Variants in CSMD3 observed in about 807,000 individuals in gnomAD.
CSMD3 encodes the protein CUB and Sushi multiple domains 3.
A neutral mutation model predicts 435.2 loss-of-function variants in CSMD3; 177 were observed. The observed-to-expected ratio is 0.41, with a 90% CI of 0.36 to 0.46. The LOEUF is 0.46. Among genes scored for constraint, CSMD3 ranks in the 20% least tolerant of loss-of-function variants. The pLI, the probability that CSMD3 is intolerant of heterozygous loss-of-function variation, is 0.34. For synonymous variants in CSMD3, 1,656 were observed against 1,520.5 expected, an observed-to-expected ratio of 1.09 and a Z score of -2.07; for missense variants, 4,265 against 4,504.6, an observed-to-expected ratio of 0.95 and a Z score of 1.52.
intron 10 of CSMD3, among the ~76,000 whole-genome samples, chr8:112,897,694 C>G (rs56308605): frequency 0.19 from 17,348 of 90,834 alleles, 1,665 homozygotes; most frequent in African/African-American, 0.37. Context: ...CTCTCTCTCT[C>G]TGTGTGTGTG....
chr8:112,467,699 G>A (rs987201752), intron 32 of CSMD3, among the ~76,000 whole-genome samples: 1 of 152,068 alleles, frequency 6.6e-6, no homozygotes, highest in African/African-American at 2.4e-5. Flanking sequence ...CCAATAGGTG[G>A]TGTCATTATA....
chr8:112,544,530 C>T (rs903701357), intron 27 of CSMD3, among the ~76,000 whole-genome samples: 47 of 152,188 alleles, frequency 3.1e-4, no homozygotes, highest in African/African-American at 1.1e-3. Flanking sequence ...GCATGATTTT[C>T]CCTCTTAAAA....
At chr8:112,972,701 T>C (rs994304079) in intron 7 of CSMD3, among the ~76,000 whole-genome samples, 18 of 152,048 alleles carry the variant, frequency 1.2e-4, no homozygotes, top group African/African-American at 4.3e-4. Flanking sequence ...TTCTAGCAAG[T>C]GAAATTATAA....
At chr8:113,402,131 C>T (rs889189429) in intron 1 of CSMD3, among the ~76,000 whole-genome samples, 1 of 151,338 alleles carries the variant, frequency 6.6e-6, no homozygotes, top group African/African-American at 2.4e-5. Flanking sequence ...GTGATTTCAT[C>T]CCTTTATAAC....
At chr8:112,270,791 A>C (rs1261590120) in intron 59 of CSMD3, among the ~76,000 whole-genome samples, 1 of 152,144 alleles carries the variant, frequency 6.6e-6, no homozygotes, top group Non-Finnish European at 1.5e-5. Flanking sequence ...ATTACTCAGG[A>C]GGAACTAAGT....
At chr8:113,195,582 T>C in intron 3 of CSMD3, among the ~76,000 whole-genome samples, 1 of 150,514 alleles carries the variant, frequency 6.6e-6, no homozygotes, top group East Asian at 2.0e-4. Flanking sequence ...CTGTTAACTC[T>C]AATTTTGGGG....
At chr8:113,332,624 G>A (rs1033478702) in intron 1 of CSMD3, among the ~76,000 whole-genome samples, 2 of 151,678 alleles carry the variant, frequency 1.3e-5, no homozygotes, top group African/African-American at 4.8e-5. Context: ...AGACATGAAA[G>A]AATATGTAAA....
intron 5 of CSMD3, among the ~76,000 whole-genome samples, chr8:113,042,570 C>T (rs540373833): frequency 6.6e-5 from 10 of 152,086 alleles, no homozygotes; most frequent in Non-Finnish European, 1.2e-4. Flanking sequence ...CTTGATGTCT[C>T]TTCTCAATTT....
chr8:113,029,813 A>G lies in CSMD3; in HGVS notation c.918-10634T>C, dbSNP rs528276030. Among the ~76,000 whole-genome samples, 320 of 151,620 alleles carry G rather than the reference A, an allele frequency of 2.1e-3. 20 individuals carry two copies. Among genetic ancestry groups the G allele is most frequent in the Non-Finnish European group, 2.8e-4 (19 of 67,726 alleles). ...AGAGAAAGAAATAAAGGGCATCCAA[A>G]TCAGTAAAAAGGAAGTCAAACTGTC... On this transcript the variant is annotated intron_variant, in intron 5 of 70. Transcript: ENST00000297405.
At chr8:112,524,413 T>C (rs1230989302) in intron 27 of CSMD3, among the ~76,000 whole-genome samples, 3 of 151,988 alleles carry the variant, frequency 2.0e-5, no homozygotes, top group South Asian at 2.1e-4. Context: ...AGTATTTGTA[T>C]GTTTTTAGTT....
intron 39 of CSMD3, among the ~76,000 whole-genome samples, chr8:112,352,136 A>G (rs913522171): frequency 2.0e-5 from 3 of 152,170 alleles, no homozygotes; most frequent in Non-Finnish European, 4.4e-5. Flanking sequence ...TTTTACTTTA[A>G]AAGACTTTAA....
intron 32 of CSMD3, among the ~76,000 whole-genome samples, chr8:112,458,927 A>T (rs1000077197): frequency 2.6e-5 from 4 of 152,136 alleles, no homozygotes; most frequent in Non-Finnish European, 5.9e-5. Flanking sequence ...AGAGACCATG[A>T]ATTACACTAG....
At chr8:112,325,411 T>G (rs545930669) in intron 45 of CSMD3, among the ~76,000 whole-genome samples, 1 of 152,290 alleles carries the variant, frequency 6.6e-6, no homozygotes, top group African/African-American at 2.4e-5. Context: ...AGTTGATCCT[T>G]TGCAGTTAAC....
At chr8:112,827,101 C>T (rs927316399) in intron 12 of CSMD3, among the ~76,000 whole-genome samples, 98 of 138,024 alleles carry the variant, frequency 7.1e-4, no homozygotes, top group African/African-American at 2.1e-3. Flanking sequence ...TTAACCAGTT[C>T]TAATAGTTGA....
chr8:112,787,059 G>T (rs370914087), intron 13 of CSMD3, among the ~76,000 whole-genome samples: 9 of 152,218 alleles, frequency 5.9e-5, no homozygotes, highest in African/African-American at 2.2e-4. Context: ...CAAAGGACAT[G>T]AACTCATCCT....
intron 1 of CSMD3, among the ~76,000 whole-genome samples, chr8:113,355,509 G>A (rs2094216101): frequency 6.6e-6 from 1 of 151,494 alleles, no homozygotes; most frequent in Non-Finnish European, 1.5e-5. Context: ...TCTTCTTTTT[G>A]TAAGGGCAAT....
At chr8:112,498,034 A>G (rs1156814259) in intron 30 of CSMD3, among the ~76,000 whole-genome samples, 14 of 152,118 alleles carry the variant, frequency 9.2e-5, no homozygotes, top group Admixed American at 9.2e-4. Context: ...GGTGGGGAAG[A>G]AGGATGTAGT....
At chr8:112,961,128 TA>T (rs2084213006) in intron 7 of CSMD3, among the ~76,000 whole-genome samples, 1 of 151,874 alleles carries the variant, frequency 6.6e-6, no homozygotes, top group African/African-American at 2.4e-5. Flanking sequence ...AAATGTTAGT[TA>T]TTTGTACTAA....
At chr8:113,124,128 G>GTT (rs1010029612) in intron 4 of CSMD3, among the ~76,000 whole-genome samples, 2 of 152,028 alleles carry the variant, frequency 1.3e-5, no homozygotes, top group African/African-American at 4.8e-5. Flanking sequence ...ATAGTAGCTA[G>GTT]TTGTTTATAT....
Sources: gnomAD v4.1 joint callset for allele counts (sites outside exome capture counted in the v4.1 genomes callset) on GRCh38, gnomAD v4.1.1 for gene constraint, MANE v1.5 for transcripts, NCBI Gene and HGNC (gene_info 2026-07-23, HGNC 2026-07-21) for gene names.